RNASEH1: variants seen among roughly 807,000 people sequenced by gnomAD.
RNASEH1 encodes ribonuclease H type II.
RNASEH1 carries 27 observed loss-of-function variants against 34.6 expected under a neutral mutation model. That is an observed-to-expected ratio of 0.78 (90% CI 0.58 to 1.08). The LOEUF (loss-of-function observed/expected upper bound fraction) is 1.08, where lower values mean the gene tolerates loss of function less well. Among genes scored for constraint, RNASEH1 ranks in the 50% least tolerant of loss-of-function variants. RNASEH1 has a pLI of 0.00. For missense variants in RNASEH1, 349 were observed against 373.6 expected, an observed-to-expected ratio of 0.93 and a Z score of 0.54; for synonymous variants, 162 against 138.4, an observed-to-expected ratio of 1.17 and a Z score of -1.20.
At chr2:3,549,654 G>A (rs10196981) in intron 4 of RNASEH1, among the ~76,000 whole-genome samples, 28,753 of 150,698 alleles carry the variant, frequency 0.19, 2,940 homozygotes, top group African/African-American at 0.27. Context: ...TTTGAGCCCA[G>A]CCTGGGCAAC....
chr2:3,557,932 G>C (rs773656924), intron 1 of RNASEH1: 38 of 1,531,262 alleles, frequency 2.5e-5, no homozygotes, highest in Non-Finnish European at 3.3e-5. Flanking sequence ...ACAAGTCTTC[G>C]GTGCGTTCCA....
chr2:3,532,139 G>A, the RNASEH1 span: 4 of 648,454 alleles, frequency 6.2e-6, no homozygotes, highest in Non-Finnish European at 1.1e-5. Context: ...TGGAGGGAAA[G>A]TCCGTGTGTC....
the RNASEH1 span, chr2:3,534,237 T>A: frequency 6.6e-6 from 1 of 152,260 alleles, no homozygotes; most frequent in African/African-American, 2.4e-5. Flanking sequence ...CTTCTGGATG[T>A]GGGACAAGAA....
At position 3,543,507 on chromosome 2, in the gene RNASEH1, G is replaced by A. The variant is rs1195377972; in HGVS notation, c.*2278C>T. On this transcript the variant is annotated 3_prime_UTR_variant, in exon 8 of 8. Coordinates refer to ENST00000315212, the MANE Select transcript of RNASEH1 (RefSeq NM_002936.6). ...GTGCACACTTATCAAAAGAAAGCAA[G>A]AGCCAAGCTGAAGAGGCTCCCTCTC... Among the ~76,000 whole-genome samples, 1 of 151,950 alleles carries A rather than the reference G, an allele frequency of 6.6e-6. No homozygotes were observed. The highest frequency in any genetic ancestry group is 2.4e-5 in the African/African-American group (1 of 41,334).
chr2:3,547,912 G>C lies in RNASEH1; in HGVS notation c.774+19C>G, dbSNP rs1668909720. ...TTTGGTCATAATGGCCATAGGACAT[G>C]AACATTTAAGATACTCACCCACTGA... is the stretch of plus-strand genomic sequence containing the variant. On this transcript the variant is annotated intron_variant, in intron 7 of 7. Coordinates refer to ENST00000315212, the MANE Select transcript of RNASEH1 (RefSeq NM_002936.6). The C allele has an allele frequency of 6.2e-7, 1 of 1,612,840 alleles. No individual in the cohort carries two copies. Among genetic ancestry groups the C allele is most frequent in the African/African-American group, 1.3e-5 (1 of 74,888 alleles).
intron 1 of RNASEH1, 35 bp downstream of exon 1, chr2:3,558,098 C>G (rs751968043): frequency 6.4e-7 from 1 of 1,564,766 alleles, no homozygotes; most frequent in Non-Finnish European, 8.6e-7. Flanking sequence ...ACCCCGATGC[C>G]GGCAGGGAGG....
chr2:3,556,270 C>A (rs1340493016), intron 2 of RNASEH1, among the ~76,000 whole-genome samples: 1 of 151,094 alleles, frequency 6.6e-6, no homozygotes, highest in East Asian at 1.9e-4. Flanking sequence ...ACACTCATTC[C>A]TGTAAACTGT....
Position 3,543,916 on chromosome 2 carries a change from TG to T in RNASEH1, c.*1868del, listed in dbSNP as rs1668516403. Among the ~76,000 whole-genome samples the T allele has an allele frequency of 6.6e-6, 1 of 152,128 alleles. No homozygotes were observed. The highest frequency in any genetic ancestry group is 6.6e-5 in the Admixed American group (1 of 15,258). On this transcript the variant is annotated 3_prime_UTR_variant, in exon 8 of 8. Coordinates refer to ENST00000315212, the MANE Select transcript of RNASEH1 (RefSeq NM_002936.6). ...GGCATAAGACACCATGCCCAGCCCA[TG>T]AATTCTTGTATATATGTAAAAACCC...
intron 2 of RNASEH1, 57 bp downstream of exon 2, chr2:3,556,732 G>A: frequency 8.8e-7 from 1 of 1,130,812 alleles, no homozygotes; most frequent in Non-Finnish European, 1.3e-6. Flanking sequence ...AATGCCATCT[G>A]GCATATGAAA....
chr2:3,548,955 A>G, intron 5 of RNASEH1, 103 bp downstream of exon 5: 1 of 1,018,356 alleles, frequency 9.8e-7, no homozygotes, highest in Non-Finnish European at 1.5e-6. Flanking sequence ...GTCTCTCTTC[A>G]AATATCTTAT....
the RNASEH1 span, among the ~76,000 whole-genome samples, chr2:3,534,937 C>T: frequency 5.3e-5 from 8 of 152,302 alleles, no homozygotes; most frequent in East Asian, 1.9e-4. Flanking sequence ...TCCATTTATA[C>T]GGGGTCCCTA....
the RNASEH1 span, chr2:3,532,099 G>T: frequency 1.6e-6 from 1 of 614,128 alleles, no homozygotes; most frequent in South Asian, 1.9e-5. Flanking sequence ...TTATGCAGCT[G>T]ACGAGTCAGG....
intron 5 of RNASEH1, 65 bp downstream of exon 5, chr2:3,548,993 G>C: frequency 7.9e-7 from 1 of 1,263,224 alleles, no homozygotes; most frequent in South Asian, 1.3e-5. Context: ...AAAAGAATTA[G>C]TTTATTTGAT....
At chr2:3,532,162 T>A in the RNASEH1 span, 1 of 673,636 alleles carries the variant, frequency 1.5e-6, no homozygotes, top group Admixed American at 2.1e-5. Flanking sequence ...CCGTGTCAGC[T>A]AACACTTTGA....
intron 4 of RNASEH1, 122 bp downstream of exon 4, chr2:3,550,251 C>CA: frequency 3.6e-6 from 3 of 835,610 alleles, no homozygotes; most frequent in Non-Finnish European, 6.2e-6. Flanking sequence ...GCTCCTCTGC[C>CA]ACCCCTGCCA....
At position 3,541,763 on chromosome 2, in the gene RNASEH1, C is replaced by T. The variant is rs1326332589; in HGVS notation, c.*4022G>A. Among the ~76,000 whole-genome samples, 2 of 152,226 alleles carry T rather than the reference C, an allele frequency of 1.3e-5. No individual in the cohort carries two copies. The highest frequency in any genetic ancestry group is 2.9e-5 in the Non-Finnish European group (2 of 68,046). ...TGAAACTGCTGTTGGTGGTGATGGA[C>T]ATGTTCTGGCGACAGCTTCACAGGC... On this transcript the variant is annotated 3_prime_UTR_variant, in exon 8 of 8. Coordinates refer to ENST00000315212, the MANE Select transcript of RNASEH1 (RefSeq NM_002936.6).
chr2:3,547,613 G>A (rs1437268367), intron 7 of RNASEH1, among the ~76,000 whole-genome samples: 4 of 151,634 alleles, frequency 2.6e-5, no homozygotes, highest in Admixed American at 2.0e-4. Context: ...TCAGCCTCCT[G>A]AGTAGCTGGG....
At chr2:3,547,813 A>G (rs1458357777) in intron 7 of RNASEH1, 118 bp downstream of exon 7, 2 of 1,005,986 alleles carry the variant, frequency 2.0e-6, no homozygotes, top group Non-Finnish European at 3.0e-6. Context: ...ATACATTATG[A>G]TATTAATATC....
Position 3,543,306 on chromosome 2 carries a change from C to A in RNASEH1, c.*2479G>T, listed in dbSNP as rs1458588903. Among the ~76,000 whole-genome samples, 2 of 152,220 alleles carry A rather than the reference C, an allele frequency of 1.3e-5. No homozygotes were observed. The highest frequency in any genetic ancestry group is 2.9e-5 in the Non-Finnish European group (2 of 68,046). Reference sequence around the variant, plus strand: ...ACCACTTTTGGTCCTGAGTGCTACCCAGCTGAAGAAACTATTTTCTGCTCA... The same window carrying A: ...ACCACTTTTGGTCCTGAGTGCTACCAAGCTGAAGAAACTATTTTCTGCTCA... On this transcript the variant is annotated 3_prime_UTR_variant, in exon 8 of 8. Coordinates refer to ENST00000315212, the MANE Select transcript of RNASEH1 (RefSeq NM_002936.6).
Sources: allele counts gnomAD v4.1 joint callset (sites outside exome capture counted in the v4.1 genomes callset), GRCh38; gene constraint gnomAD v4.1.1; transcripts MANE v1.5; gene names NCBI Gene and HGNC (gene_info 2026-07-23, HGNC 2026-07-21).